PLCXD3: variants seen among roughly 807,000 people sequenced by gnomAD.
The protein encoded by PLCXD3 is phosphatidylinositol specific phospholipase C X domain containing 3, also known as PI-PLC X domain-containing protein 3.
PLCXD3 carries 19 observed loss-of-function variants against 25.5 expected under a neutral mutation model. The observed-to-expected ratio is 0.75, with a 90% CI of 0.52 to 1.09. The LOEUF (loss-of-function observed/expected upper bound fraction) is 1.09. Among genes scored for constraint, PLCXD3 ranks in the 50% least tolerant of loss-of-function variants. The pLI is 0.00. For synonymous variants in PLCXD3, 174 were observed against 137.6 expected (o/e 1.26, Z -1.85); for missense variants, 411 against 388.1 (o/e 1.06, Z -0.50).
chr5:41,480,868 C>G (rs1272759674), intron 1 of PLCXD3, among the ~76,000 whole-genome samples: 3 of 152,010 alleles, frequency 2.0e-5, no homozygotes, highest in Non-Finnish European at 4.4e-5. Context: ...TGAGATCACA[C>G]CACTGCACTC....
At chr5:41,355,521 A>G (rs1333020155) in intron 2 of PLCXD3, among the ~76,000 whole-genome samples, 7 of 152,208 alleles carry the variant, frequency 4.6e-5, no homozygotes, top group African/African-American at 1.7e-4. Flanking sequence ...GTCAGCCATC[A>G]GTTGTCAATG....
chr5:41,379,187 TG>T (rs985284320), intron 2 of PLCXD3, among the ~76,000 whole-genome samples: 76 of 152,252 alleles, frequency 5.0e-4, no homozygotes, highest in African/African-American at 1.8e-3. Flanking sequence ...GCCAGGCTCC[TG>T]CTGCCTTTTC....
At chr5:41,382,743 TA>T (rs1745509710) in intron 1 of PLCXD3, among the ~76,000 whole-genome samples, 2 of 152,116 alleles carry the variant, frequency 1.3e-5, no homozygotes, top group Non-Finnish European at 1.5e-5. Flanking sequence ...AATTGGTTAT[TA>T]AACAATAAGA....
rs1748113429 is a variant in PLCXD3 at position 41,469,945 on chromosome 5, A to G, written c.103+40479T>C. ...GGTTTTAAACACCTTGCCTCTCGTGAGTGAGATGGAGAATGAGAACAGTGG... is the reference window on the plus strand; with the variant it reads ...GGTTTTAAACACCTTGCCTCTCGTGGGTGAGATGGAGAATGAGAACAGTGG... On this transcript the variant is annotated intron_variant, in intron 1 of 2. Transcript: ENST00000377801. Among the ~76,000 whole-genome samples the G allele has an allele frequency of 2.6e-5, 4 of 152,192 alleles. No homozygotes were observed. In the South Asian group the frequency reaches 8.3e-4, roughly 31 times the overall value.
chr5:41,360,764 G>A (rs1262004490), intron 2 of PLCXD3, among the ~76,000 whole-genome samples: 1 of 152,222 alleles, frequency 6.6e-6, no homozygotes, highest in Non-Finnish European at 1.5e-5. Flanking sequence ...GGAGGTAGCA[G>A]GGGAGTGAAG....
intron 1 of PLCXD3, among the ~76,000 whole-genome samples, chr5:41,450,113 A>G (rs1033662512): frequency 1.3e-5 from 2 of 152,104 alleles, no homozygotes; most frequent in Non-Finnish European, 2.9e-5. Flanking sequence ...TTCTATCTTC[A>G]AAGCTGCCCT....
intron 1 of PLCXD3, among the ~76,000 whole-genome samples, chr5:41,494,026 C>T (rs767323987): frequency 4.6e-5 from 7 of 152,220 alleles, no homozygotes; most frequent in Non-Finnish European, 1.0e-4. Flanking sequence ...CCGTGTTCTG[C>T]GTTGCTCACG....
chr5:41,361,843 A>G (rs1744789068), intron 2 of PLCXD3, among the ~76,000 whole-genome samples: 2 of 152,210 alleles, frequency 1.3e-5, no homozygotes, highest in South Asian at 4.1e-4. Flanking sequence ...TGAATATTGA[A>G]CTAATTATCA....
chr5:41,454,589 G>A (rs952300951), intron 1 of PLCXD3, among the ~76,000 whole-genome samples: 1 of 151,862 alleles, frequency 6.6e-6, no homozygotes, highest in Non-Finnish European at 1.5e-5. Context: ...ACTTTTGGGG[G>A]GATGCAAACA....
chr5:41,501,757 C>T (rs904925990), intron 1 of PLCXD3, among the ~76,000 whole-genome samples: 2 of 151,974 alleles, frequency 1.3e-5, no homozygotes, highest in African/African-American at 4.8e-5. Context: ...GAACATGTTT[C>T]ACGAAGAGAG....
chr5:41,397,679 G>A (rs1746051430), intron 1 of PLCXD3, among the ~76,000 whole-genome samples: 1 of 152,144 alleles, frequency 6.6e-6, no homozygotes, highest in Non-Finnish European at 1.5e-5. Context: ...ATGTGTGCCT[G>A]GAAAAGCCAC....
chr5:41,441,591 C>T (rs961250121), intron 1 of PLCXD3, among the ~76,000 whole-genome samples: 3 of 152,198 alleles, frequency 2.0e-5, no homozygotes, highest in Admixed American at 1.3e-4. Context: ...CATTTGCCCA[C>T]ACGAGCCACC....
At chr5:41,500,907 T>C (rs1041036278) in intron 1 of PLCXD3, among the ~76,000 whole-genome samples, 4 of 151,894 alleles carry the variant, frequency 2.6e-5, no homozygotes, top group African/African-American at 9.7e-5. Context: ...AGAACAAGTA[T>C]AGACATTTCT....
chr5:41,453,434 C>A (rs1175160897), intron 1 of PLCXD3, among the ~76,000 whole-genome samples: 1 of 151,546 alleles, frequency 6.6e-6, no homozygotes, highest in Non-Finnish European at 1.5e-5. Flanking sequence ...TTCAGCCACT[C>A]ACCTGAAGTT....
chr5:41,423,675 G>T (rs1746881298), intron 1 of PLCXD3, among the ~76,000 whole-genome samples: 1 of 152,056 alleles, frequency 6.6e-6, no homozygotes, highest in Admixed American at 6.5e-5. Flanking sequence ...GCCGGGCGTG[G>T]TGGATCACGC....
At chr5:41,332,953 A>G (rs1339244254) in intron 2 of PLCXD3, among the ~76,000 whole-genome samples, 2 of 152,010 alleles carry the variant, frequency 1.3e-5, no homozygotes, top group Non-Finnish European at 2.9e-5. Flanking sequence ...GTGGGGTGGG[A>G]GGAAGAGGGA....
chr5:41,506,974 T>C (rs1749062712), intron 1 of PLCXD3, among the ~76,000 whole-genome samples: 1 of 149,694 alleles, frequency 6.7e-6, no homozygotes, highest in Non-Finnish European at 1.5e-5. Context: ...GATTTTTACA[T>C]ATTAGAGAAT....
chr5:41,483,682 A>G (rs1748460357), intron 1 of PLCXD3, among the ~76,000 whole-genome samples: 1 of 152,158 alleles, frequency 6.6e-6, no homozygotes, highest in Non-Finnish European at 1.5e-5. Flanking sequence ...TGACCTGCAC[A>G]CTTAAAAATG....
chr5:41,355,176 C>T (rs1399476877), intron 2 of PLCXD3, among the ~76,000 whole-genome samples: 1 of 152,146 alleles, frequency 6.6e-6, no homozygotes, highest in Non-Finnish European at 1.5e-5. Context: ...CCTTAGTCTA[C>T]CAAGAGTGTA....
Sources: allele counts gnomAD v4.1 joint callset (sites outside exome capture counted in the v4.1 genomes callset), GRCh38; gene constraint gnomAD v4.1.1; transcripts MANE v1.5; gene names NCBI Gene and HGNC (gene_info 2026-07-23, HGNC 2026-07-21).